The following PSMA1 variants were observed in gnomAD, a reference collection of about 807,000 sequenced individuals.
PSMA1 encodes proteasome 20S subunit alpha 1.
A neutral mutation model predicts 38.4 loss-of-function variants in PSMA1; 3 were observed. The ratio of observed to expected loss-of-function variants is 0.08; its 90% confidence interval spans 0.04 to 0.20. PSMA1 has a LOEUF of 0.20. Among genes scored for constraint, PSMA1 ranks in the 10% least tolerant of loss-of-function variants. PSMA1 has a pLI of 1.00. For synonymous variants in PSMA1, 101 were observed against 107.1 expected (o/e 0.94, Z 0.35); for missense variants, 227 against 325.3 (o/e 0.70, Z 2.32).
At chr11:14,618,750 T>C (rs1463479394) in intron 1 of PSMA1, among the ~76,000 whole-genome samples, 1 of 152,236 alleles carries the variant, frequency 6.6e-6, no homozygotes, top group African/African-American at 2.4e-5. Flanking sequence ...TCATACTGTT[T>C]TTCAAAGTTT....
intron 2 of PSMA1, among the ~76,000 whole-genome samples, chr11:14,572,534 T>A (rs1305475574): frequency 2.0e-5 from 3 of 152,188 alleles, no homozygotes; most frequent in Admixed American, 6.5e-5. Context: ...GGGAAATATA[T>A]AGCACTAAAT....
chr11:14,517,846 C>G (rs1193629248), intron 3 of PSMA1, 34 bp downstream of exon 3: 3 of 1,542,452 alleles, frequency 1.9e-6, no homozygotes, highest in Non-Finnish European at 1.8e-6. Context: ...ACATTGTTTT[C>G]TACAGAGGAA....
At chr11:14,636,720 T>C (rs1361475464) in intron 1 of PSMA1, among the ~76,000 whole-genome samples, 2 of 152,236 alleles carry the variant, frequency 1.3e-5, no homozygotes, top group African/African-American at 4.8e-5. Context: ...GTACTTCTTA[T>C]CCTGTTCAAT....
At chr11:14,507,898 G>A (rs1033610687) in intron 8 of PSMA1, 132 bp from the exon 9 acceptor site, 2 of 616,436 alleles carry the variant, frequency 3.2e-6, no homozygotes, top group East Asian at 2.9e-5. Context: ...AACCACTTAT[G>A]TGTAGGAGAA....
intron 2 of PSMA1, among the ~76,000 whole-genome samples, chr11:14,597,933 A>T (rs146610635): frequency 0.035 from 5,297 of 152,210 alleles, 134 homozygotes; most frequent in Middle Eastern, 0.071. Flanking sequence ...TGTCCCAGAG[A>T]TTCTGGTATG....
rs1589981398 is a variant in PSMA1 at position 14,520,357 on chromosome 11, G to A, written c.-58C>T. 1 of 1,614,178 alleles carries A rather than the reference G, an allele frequency of 6.2e-7. No homozygotes were observed. Among genetic ancestry groups the A allele is most frequent in the Non-Finnish European group, 8.5e-7 (1 of 1,180,024 alleles). Reference sequence around the variant, plus strand: ...CAAAACTGAGAATCAAGGAGGTGCTGCCGAAAGTATCGCTCAGCGATCTAC... The same window carrying A: ...CAAAACTGAGAATCAAGGAGGTGCTACCGAAAGTATCGCTCAGCGATCTAC... On this transcript the variant is annotated 5_prime_UTR_variant, in exon 1 of 10. Transcript: ENST00000396394.
At chr11:14,598,341 A>C (rs577922856) in intron 2 of PSMA1, among the ~76,000 whole-genome samples, 1 of 152,172 alleles carries the variant, frequency 6.6e-6, no homozygotes, top group East Asian at 1.9e-4. Context: ...TAATGTTGAC[A>C]GTGGGGTGTT....
chr11:14,522,083 T>C (rs1214346612), upstream of PSMA1, among the ~76,000 whole-genome samples: 1 of 152,222 alleles, frequency 6.6e-6, no homozygotes, highest in South Asian at 2.1e-4. Flanking sequence ...TCTTTCCATA[T>C]ATATCTCTCT....
chr11:14,595,334 G>A (rs187670248), intron 2 of PSMA1, among the ~76,000 whole-genome samples: 1 of 152,298 alleles, frequency 6.6e-6, no homozygotes, highest in Non-Finnish European at 1.5e-5. Flanking sequence ...TCACCACACT[G>A]TCTTCTACAA....
At chr11:14,626,041 C>CA (rs1852906185) in intron 1 of PSMA1, among the ~76,000 whole-genome samples, 1 of 151,590 alleles carries the variant, frequency 6.6e-6, no homozygotes, top group Admixed American at 6.6e-5. Flanking sequence ...AATGCCAATT[C>CA]AAAAAACGTT....
chr11:14,588,208 T>C (rs1852371559), intron 2 of PSMA1, among the ~76,000 whole-genome samples: 2 of 152,164 alleles, frequency 1.3e-5, no homozygotes, highest in Non-Finnish European at 2.9e-5. Flanking sequence ...CAGAAAGGAA[T>C]AGGCGCTCTG....
In PSMA1 at chr11:14,504,933, A is replaced by C. The variant is rs528758776; in HGVS notation, c.*259T>G. ...TGTCTTTAAAACCACAAAGACACCT[A>C]TGTTCTTCATATAAAAACATTAGTA... On this transcript the variant is annotated 3_prime_UTR_variant, in exon 10 of 10. Coordinates refer to ENST00000396394, the MANE Select transcript of PSMA1 (RefSeq NM_002786.4). The C allele has an allele frequency of 2.6e-6, 1 of 383,918 alleles. No homozygotes were observed. The highest frequency in any genetic ancestry group is 4.1e-5 in the East Asian group (1 of 24,486). 23.8% of individuals were successfully genotyped at this position (383,918 alleles called of 1,614,324 possible).
chr11:14,629,375 T>G (rs1359499533), intron 1 of PSMA1, among the ~76,000 whole-genome samples: 1 of 152,238 alleles, frequency 6.6e-6, no homozygotes, highest in Non-Finnish European at 1.5e-5. Flanking sequence ...CAGTTTCAGC[T>G]TTCTACATAT....
intron 1 of PSMA1, among the ~76,000 whole-genome samples, chr11:14,620,124 A>T (rs1852825058): frequency 6.6e-6 from 1 of 151,984 alleles, no homozygotes; most frequent in African/African-American, 2.4e-5. Context: ...GAGCATTATA[A>T]CATACCCCAA....
At chr11:14,568,685 T>A (rs1040792606) in intron 2 of PSMA1, among the ~76,000 whole-genome samples, 1 of 152,254 alleles carries the variant, frequency 6.6e-6, no homozygotes, top group East Asian at 1.9e-4. Flanking sequence ...ACTTTAGAGT[T>A]TAAGCAAATT....
intron 2 of PSMA1, among the ~76,000 whole-genome samples, chr11:14,591,723 G>C (rs1852417937): frequency 6.6e-6 from 1 of 152,076 alleles, no homozygotes; most frequent in African/African-American, 2.4e-5. Context: ...GAGAACCTTT[G>C]TATCTAGCTC....
chr11:14,573,501 T>C lies in PSMA1; in HGVS notation c.21+37465A>G, dbSNP rs183955280. 2.5e-3 allele frequency among the ~76,000 whole-genome samples: 378 copies of C among 152,308 alleles called. 8 individuals are homozygous for C. The South Asian group carries it at 0.037, about 15-fold the overall frequency. On this transcript the variant is annotated intron_variant, in intron 2 of 10. Coordinates refer to the PSMA1 transcript ENST00000418988. ...AAACTCTCAATAAATTAGGTATTGA[T>C]GGGACATATCTCAAAATAATAAGAG... is the stretch of plus-strand genomic sequence containing the variant.
intron 5 of PSMA1, 58 bp from the exon 6 acceptor site, chr11:14,513,945 AATTATAC>A: frequency 6.6e-7 from 1 of 1,503,952 alleles, no homozygotes; most frequent in East Asian, 2.4e-5. Context: ...TTTATTTTCA[AATTATAC>A]ATTATTAACA....
chr11:14,546,898 A>G (rs1056819374), intron 2 of PSMA1, among the ~76,000 whole-genome samples: 8 of 152,226 alleles, frequency 5.3e-5, no homozygotes, highest in African/African-American at 1.7e-4. Context: ...GCAAAAATTT[A>G]GTCACTCTTC....
Sources: gnomAD v4.1 joint callset for allele counts (sites outside exome capture counted in the v4.1 genomes callset) on GRCh38, gnomAD v4.1.1 for gene constraint, MANE v1.5 for transcripts, NCBI Gene and HGNC (gene_info 2026-07-23, HGNC 2026-07-21) for gene names.